The following JPH1 variants were observed in gnomAD, a reference collection of about 807,000 sequenced individuals.
JPH1 encodes junctophilin-1.
A neutral mutation model predicts 53.6 loss-of-function variants in JPH1; 12 were observed. The ratio of observed to expected loss-of-function variants is 0.22; its 90% CI spans 0.14 to 0.36. JPH1 has a LOEUF of 0.36. JPH1 is among the 10% of genes least tolerant of loss of function. JPH1 has a pLI of 1.00. For synonymous variants in JPH1, 375 were observed against 363.8 expected, an observed-to-expected ratio of 1.03 and a Z score of -0.35; for missense variants, 808 against 905.5, an observed-to-expected ratio of 0.89 and a Z score of 1.38.
intron 2 of JPH1, among the ~76,000 whole-genome samples, chr8:74,281,394 C>T (rs1437700794): frequency 6.6e-6 from 1 of 152,110 alleles, no homozygotes; most frequent in African/African-American, 2.4e-5. Context: ...CCTACTGATC[C>T]CTCAGTGAGC....
At chr8:74,298,527 C>T (rs78242006) in intron 2 of JPH1, among the ~76,000 whole-genome samples, 2,018 of 152,234 alleles carry the variant, frequency 0.013, 26 homozygotes, top group Admixed American at 0.031. Flanking sequence ...ACGGTTTCCA[C>T]TTGTGTGTTG....
At chr8:74,247,595 T>C (rs996822424) in intron 3 of JPH1, among the ~76,000 whole-genome samples, 1 of 152,120 alleles carries the variant, frequency 6.6e-6, no homozygotes, top group Non-Finnish European at 1.5e-5. Flanking sequence ...GGCAAACATT[T>C]TTCGTTATGC....
intron 3 of JPH1, among the ~76,000 whole-genome samples, chr8:74,254,057 T>C (rs2131387150): frequency 6.6e-6 from 1 of 152,158 alleles, no homozygotes; most frequent in African/African-American, 2.4e-5. Context: ...GCCAGCATCA[T>C]CCTGATACCA....
intron 2 of JPH1, among the ~76,000 whole-genome samples, chr8:74,314,347 A>G (rs1808076944): frequency 6.6e-6 from 1 of 152,214 alleles, no homozygotes; most frequent in Non-Finnish European, 1.5e-5. Flanking sequence ...AATTTTACCT[A>G]TAAGACTTCA....
Position 74,310,188 on chromosome 8 carries a change from G to A in JPH1, c.1139+4673C>T, listed in dbSNP as rs1020932817. On this transcript the variant is annotated intron_variant, in intron 2 of 5. Coordinates refer to ENST00000342232, the MANE Select transcript of JPH1 (RefSeq NM_020647.4). ...GAGCAGTTGGGATCCAGAACTAGAG[G>A]TGGTATGTCAGCTACTAGCATGGAG... is the stretch of plus-strand genomic sequence containing the variant. Among the ~76,000 whole-genome samples the A allele has an allele frequency of 3.0e-4, 46 of 152,028 alleles. 1 individual carries two copies. Among genetic ancestry groups the A allele is most frequent in the Non-Finnish European group, 5.6e-4 (38 of 67,986 alleles).
intron 2 of JPH1, among the ~76,000 whole-genome samples, chr8:74,313,606 T>A (rs964925857): frequency 3.4e-5 from 5 of 147,224 alleles, no homozygotes; most frequent in Admixed American, 3.3e-4. Flanking sequence ...GATGTCACCA[T>A]TTTTTTTTGT....
chr8:74,240,218 C>T (rs767802296), intron 4 of JPH1, among the ~76,000 whole-genome samples: 13 of 152,192 alleles, frequency 8.5e-5, no homozygotes, highest in African/African-American at 3.1e-4. Context: ...GTGATCCATC[C>T]GCCTCAGCCT....
At chr8:74,277,877 T>C (rs72663658) in intron 2 of JPH1, among the ~76,000 whole-genome samples, 29,796 of 151,990 alleles carry the variant, frequency 0.2, 3,056 homozygotes, top group East Asian at 0.28. Context: ...CAAAGATATA[T>C]TAAAAAAAAC....
In JPH1 at chr8:74,315,832, T is replaced by C. The variant is rs1808142329; in HGVS notation, c.380-212A>G. On this transcript the variant is annotated intron_variant, in intron 1 of 5. Transcript: ENST00000342232. The surrounding 1 kb of genome is among the most constrained non-coding windows in gnomAD (Gnocchi z 6.3). ...GTCATTGCACAGAATTTTCTAGTAG[T>C]CAGATAATTTTTGCTTTTCATTAAA... 6.6e-6 allele frequency among the ~76,000 whole-genome samples: 1 copy of C among 152,236 alleles called. No homozygotes were observed. The highest frequency in any genetic ancestry group is 2.4e-5 in the African/African-American group (1 of 41,474).
intron 3 of JPH1, among the ~76,000 whole-genome samples, chr8:74,247,332 T>G (rs913804939): frequency 6.6e-6 from 1 of 152,252 alleles, no homozygotes; most frequent in African/African-American, 2.4e-5. Flanking sequence ...AATACCCATC[T>G]AGGTATGGTA....
At chr8:74,307,112 C>G (rs1468896928) in intron 2 of JPH1, among the ~76,000 whole-genome samples, 2 of 152,182 alleles carry the variant, frequency 1.3e-5, no homozygotes, top group African/African-American at 4.8e-5. Flanking sequence ...AGATTTAACT[C>G]TCTTCCTTTG....
chr8:74,311,555 G>A, intron 2 of JPH1, among the ~76,000 whole-genome samples: 1 of 151,392 alleles, frequency 6.6e-6, no homozygotes, highest in East Asian at 1.9e-4. Context: ...AAGTTTTAGG[G>A]TATATGTACA....
At chr8:74,304,273 T>C (rs925878399) in intron 2 of JPH1, among the ~76,000 whole-genome samples, 25 of 152,254 alleles carry the variant, frequency 1.6e-4, no homozygotes, top group African/African-American at 5.5e-4. Flanking sequence ...TAACTAAGAA[T>C]GATTAAAGTT....
intron 3 of JPH1, among the ~76,000 whole-genome samples, chr8:74,251,753 T>C (rs1030366694): frequency 1.3e-5 from 2 of 152,198 alleles, no homozygotes; most frequent in Non-Finnish European, 2.9e-5. Context: ...ATACAGTTTT[T>C]TAAAATAGAT....
At chr8:74,250,780 C>A (rs1026443499) in intron 3 of JPH1, among the ~76,000 whole-genome samples, 2 of 152,094 alleles carry the variant, frequency 1.3e-5, no homozygotes, top group African/African-American at 4.8e-5. Flanking sequence ...CTGATTTTAC[C>A]AGCACTTTGA....
intron 2 of JPH1, among the ~76,000 whole-genome samples, chr8:74,296,254 C>T (rs151052200): frequency 5.9e-5 from 9 of 152,236 alleles, no homozygotes; most frequent in Admixed American, 2.0e-4. Flanking sequence ...ATAGTATATA[C>T]TAATAAGCAT....
chr8:74,315,569 C>A lies in JPH1; in HGVS notation c.431G>T (p.Arg144Leu), dbSNP rs1808132871. 1.2e-6 allele frequency: 2 copies of A among 1,605,274 alleles called. No individual in the cohort carries two copies. The highest frequency in any genetic ancestry group is 1.3e-5 in the African/African-American group (1 of 74,820). The stretch of plus-strand genomic sequence containing the variant: ...GGCCATGCCGTAGGGCACGCTCTGG[C>A]GCACGCCGTAGCCATGCCGCATGCC... ...AGGMRHGYGVRQSVPYGMATV... is the reference protein window; with the variant it reads ...AGGMRHGYGVLQSVPYGMATV... The change falls in exon 2 of 6, where the codon CGC (arginine) becomes CTC (leucine). Residue 144 changes from arginine to leucine, a missense_variant. Coordinates refer to ENST00000342232, the MANE Select transcript of JPH1 (RefSeq NM_020647.4). This position sits in a 1 kb window ranked among gnomAD's most constrained non-coding sequence, Gnocchi z 6.3.
chr8:74,288,433 T>G (rs1213670895), intron 2 of JPH1, among the ~76,000 whole-genome samples: 1 of 152,172 alleles, frequency 6.6e-6, no homozygotes, highest in Non-Finnish European at 1.5e-5. Flanking sequence ...GTAAATGAAC[T>G]AGATTGATGA....
chr8:74,242,435 C>T (rs1251708870), intron 4 of JPH1, among the ~76,000 whole-genome samples: 3 of 152,242 alleles, frequency 2.0e-5, no homozygotes, highest in East Asian at 1.9e-4. Flanking sequence ...CAGGGTCACA[C>T]AGCTGGTAAG....
Sources: gnomAD v4.1 joint callset for allele counts (sites outside exome capture counted in the v4.1 genomes callset) on GRCh38, gnomAD v4.1.1 for gene constraint, Gnocchi (gnomAD v3.1) non-coding constraint, MANE v1.5 for transcripts, NCBI Gene and HGNC (gene_info 2026-07-23, HGNC 2026-07-21) for gene names.